Variants in FGF1 observed in about 807,000 individuals in gnomAD.
FGF1 encodes the protein fibroblast growth factor 1.
In FGF1, 9 loss-of-function variants were observed where a neutral mutation model predicts 13.4. The ratio of observed to expected loss-of-function variants is 0.67; its 90% CI spans 0.40 to 1.17. The LOEUF is 1.17. FGF1 is among the 50% of genes most tolerant of loss of function. The pLI is 0.01. For missense variants in FGF1, 156 were observed against 192.7 expected (o/e 0.81, Z 1.13); for synonymous variants, 93 against 79.0 (o/e 1.18, Z -0.94).
intron 1 of FGF1, among the ~76,000 whole-genome samples, chr5:142,615,362 T>C (rs1760012226): frequency 6.6e-6 from 1 of 152,158 alleles, no homozygotes; most frequent in South Asian, 2.1e-4. Context: ...TAGCTGAGAT[T>C]ACAGGAATGC....
At chr5:142,613,241 G>T (rs867462885) in intron 2 of FGF1, among the ~76,000 whole-genome samples, 1 of 152,232 alleles carries the variant, frequency 6.6e-6, no homozygotes, top group Non-Finnish European at 1.5e-5. Flanking sequence ...AGAAGGAAGA[G>T]ATTTTTTTAT....
At chr5:142,618,662 A>G (rs758592535) in intron 1 of FGF1, among the ~76,000 whole-genome samples, 5 of 152,222 alleles carry the variant, frequency 3.3e-5, no homozygotes, top group Non-Finnish European at 5.9e-5. Context: ...GTAAGCCACA[A>G]ACATAGCAGA....
intron 1 of FGF1, among the ~76,000 whole-genome samples, chr5:142,669,953 C>T (rs895652363): frequency 6.6e-6 from 1 of 152,146 alleles, no homozygotes; most frequent in Non-Finnish European, 1.5e-5. Flanking sequence ...CCAAGAAGTA[C>T]AGGATCACAG....
intron 1 of FGF1, among the ~76,000 whole-genome samples, chr5:142,661,736 GCGGTGGCTCA>G (rs1413375097): frequency 1.3e-5 from 2 of 152,158 alleles, no homozygotes; most frequent in Non-Finnish European, 2.9e-5. Flanking sequence ...TTGGCCGGGC[GCGGTGGCTCA>G]CTATCCCAGC....
chr5:142,683,409 T>G (rs1774082887), intron 1 of FGF1, among the ~76,000 whole-genome samples: 1 of 152,190 alleles, frequency 6.6e-6, no homozygotes, highest in Non-Finnish European at 1.5e-5. Context: ...GTTAAGGGAA[T>G]AGATTGATAA....
chr5:142,654,913 C>G (rs1767883240), intron 1 of FGF1, among the ~76,000 whole-genome samples: 1 of 152,220 alleles, frequency 6.6e-6, no homozygotes, highest in Admixed American at 6.5e-5. Flanking sequence ...CTGTGGCTCA[C>G]CCAGCAGGGT....
intron 1 of FGF1, among the ~76,000 whole-genome samples, chr5:142,677,701 G>A (rs1772891831): frequency 2.0e-5 from 3 of 152,140 alleles, no homozygotes; most frequent in Admixed American, 2.0e-4. Context: ...CCAACATTTA[G>A]TGATTCACTC....
chr5:142,599,060 C>T (rs1056196856), intron 3 of FGF1, among the ~76,000 whole-genome samples: 4 of 152,190 alleles, frequency 2.6e-5, no homozygotes, highest in Admixed American at 6.5e-5. Flanking sequence ...TGTTGCACCA[C>T]TGAACCCATG....
intron 1 of FGF1, among the ~76,000 whole-genome samples, chr5:142,623,503 G>A (rs184096712): frequency 1.8e-4 from 27 of 151,958 alleles, no homozygotes; most frequent in African/African-American, 5.8e-4. Flanking sequence ...ATACCACCAC[G>A]TCCAACTAAT....
At chr5:142,687,823 T>A (rs1377929650), upstream of FGF1, among the ~76,000 whole-genome samples, 2 of 152,210 alleles carry the variant, frequency 1.3e-5, no homozygotes, top group African/African-American at 2.4e-5. Context: ...GTCTCCCTGC[T>A]TTAGGTTAAC....
intron 1 of FGF1, among the ~76,000 whole-genome samples, chr5:142,658,285 A>G (rs1768533163): frequency 6.6e-6 from 1 of 152,206 alleles, no homozygotes; most frequent in African/African-American, 2.4e-5. Context: ...AGCCTTATCC[A>G]TGGCAATTGC....
At chr5:142,615,009 A>G (rs1759920950) in intron 1 of FGF1, among the ~76,000 whole-genome samples, 1 of 152,190 alleles carries the variant, frequency 6.6e-6, no homozygotes, top group Non-Finnish European at 1.5e-5. Flanking sequence ...ATATACCTTT[A>G]ACATTATATG....
Position 142,594,705 on chromosome 5 carries a change from T to C in FGF1, c.*585A>G, listed in dbSNP as rs889308666. 3 of 152,356 alleles carry C rather than the reference T, an allele frequency of 2.0e-5. No individual in the cohort carries two copies. Among genetic ancestry groups the C allele is most frequent in the Non-Finnish European group, 2.9e-5 (2 of 68,166 alleles). The allele number at this position is 152,356 out of a possible 1,614,324, so 9.4% of individuals were successfully genotyped here. On this transcript the variant is annotated 3_prime_UTR_variant, in exon 4 of 4. Transcript: ENST00000337706. ...CCTCCCTTTCTTCATTTATTCTACATGGAGATGCCATCCTTCTAAGTTACC... is the reference window on the plus strand; with the variant it reads ...CCTCCCTTTCTTCATTTATTCTACACGGAGATGCCATCCTTCTAAGTTACC...
chr5:142,689,507 A>G (rs1474582536), upstream of FGF1, among the ~76,000 whole-genome samples: 2 of 152,046 alleles, frequency 1.3e-5, no homozygotes, highest in Non-Finnish European at 1.5e-5. Flanking sequence ...GACCCTCAAG[A>G]AGGAAGGTGC....
rs762008952 is a variant in FGF1, at chr5:142,646,208, C to CTTTTTTTTT, written c.-34-32056_-34-32048dup. Among the ~76,000 whole-genome samples the CTTTTTTTTT allele has an allele frequency of 2.5e-4, 14 of 54,916 alleles. 1 individual carries two copies. The highest frequency in any genetic ancestry group is 5.8e-4 in the African/African-American group (8 of 13,892). 36.0% of individuals were successfully genotyped at this position (54,916 alleles called of 152,430 possible). On this transcript the variant is annotated intron_variant, in intron 1 of 3. Coordinates refer to ENST00000337706, the MANE Select transcript of FGF1 (RefSeq NM_000800.5). Reference sequence around the variant, plus strand: ...ACAGGCGTGAGCCACCGCACCTGGCCTTTTTTTTTTTTTTTTTTTTTTTTT... The same window carrying CTTTTTTTTT: ...ACAGGCGTGAGCCACCGCACCTGGCCTTTTTTTTTTTTTTTTTTTTTTTTTTTTTTTTTT...
intron 2 of FGF1, among the ~76,000 whole-genome samples, chr5:142,611,238 A>G (rs1302759100): frequency 6.6e-6 from 1 of 152,120 alleles, no homozygotes; most frequent in African/African-American, 2.4e-5. Flanking sequence ...TGGCAGTACC[A>G]CCACTGGGCA....
At chr5:142,685,840 G>A (rs1442226051) in intron 1 of FGF1, 117 bp downstream of exon 1, 2 of 150,922 alleles carry the variant, frequency 1.3e-5, no homozygotes, top group African/African-American at 2.4e-5. Context: ...TCTTCTCCAA[G>A]TAGCATTACA....
rs534003293 is a variant in FGF1, at chr5:142,669,759, G to A, written c.-35+16198C>T. 3.3e-5 allele frequency among the ~76,000 whole-genome samples: 5 copies of A among 152,308 alleles called. No individual in the cohort carries two copies. The South Asian group carries it at 1.0e-3, about 32-fold the overall frequency. On this transcript the variant is annotated intron_variant, in intron 1 of 3. Coordinates refer to ENST00000337706, the MANE Select transcript of FGF1 (RefSeq NM_000800.5). ...AACCCAGAATATGAGGCAGGCACAG[G>A]AGAAGCAGAGCAGAGGGGAAAGATG... is the stretch of plus-strand genomic sequence containing the variant.
chr5:142,636,763 G>T (rs2151941180), intron 1 of FGF1, among the ~76,000 whole-genome samples: 1 of 150,952 alleles, frequency 6.6e-6, no homozygotes, highest in South Asian at 2.1e-4. Flanking sequence ...ATGTGCAGAG[G>T]TCATGAGTCC....
Sources: gnomAD v4.1 joint callset for allele counts (sites outside exome capture counted in the v4.1 genomes callset) on GRCh38, gnomAD v4.1.1 for gene constraint, MANE v1.5 for transcripts, NCBI Gene and HGNC (gene_info 2026-07-23, HGNC 2026-07-21) for gene names.